The following SYBU variants were observed in gnomAD, a reference collection of about 807,000 sequenced individuals.
The protein encoded by SYBU is syntabulin, also known as GOLSYN A protein.
SYBU carries 21 observed loss-of-function variants against 35.9 expected under a neutral mutation model. That is an observed-to-expected ratio of 0.58 (90% confidence interval 0.41 to 0.84). The LOEUF (loss-of-function observed/expected upper bound fraction) is 0.84. SYBU is among the 40% of genes least tolerant of loss of function. The pLI is 0.00. For synonymous variants in SYBU, 319 were observed against 324.3 expected, an observed-to-expected ratio of 0.98 and a Z score of 0.18; for missense variants, 768 against 848.2, an observed-to-expected ratio of 0.91 and a Z score of 1.17.
intron 3 of SYBU, among the ~76,000 whole-genome samples, chr8:109,600,704 TA>T (rs1342814204): frequency 3.3e-5 from 5 of 152,072 alleles, no homozygotes; most frequent in Non-Finnish European, 7.4e-5. Flanking sequence ...TGATTTCCAG[TA>T]AAATTGTAGA....
At chr8:109,610,137 G>C (rs1292824234) in intron 3 of SYBU, among the ~76,000 whole-genome samples, 3 of 151,994 alleles carry the variant, frequency 2.0e-5, no homozygotes, top group Non-Finnish European at 1.5e-5. Context: ...TAAAGTCTCA[G>C]CTCAAATGTC....
chr8:109,660,542 T>G (rs1205113526), intron 1 of SYBU, among the ~76,000 whole-genome samples: 1 of 152,116 alleles, frequency 6.6e-6, no homozygotes, highest in Non-Finnish European at 1.5e-5. Context: ...CAGATTACTA[T>G]CTATCCAAAC....
At chr8:109,673,420 C>A (rs1279066993) in intron 1 of SYBU, among the ~76,000 whole-genome samples, 1 of 152,078 alleles carries the variant, frequency 6.6e-6, no homozygotes, top group East Asian at 1.9e-4. Flanking sequence ...CAGCCAACTC[C>A]GGCAGACCTG....
At chr8:109,644,382 C>T (rs1034143580) in intron 1 of SYBU, among the ~76,000 whole-genome samples, 1 of 152,138 alleles carries the variant, frequency 6.6e-6, no homozygotes, top group Non-Finnish European at 1.5e-5. Flanking sequence ...ACCCCACAGT[C>T]CCAGTTTCAG....
At chr8:109,675,574 C>CA (rs1287640627) in intron 1 of SYBU, among the ~76,000 whole-genome samples, 1 of 152,118 alleles carries the variant, frequency 6.6e-6, no homozygotes, top group Non-Finnish European at 1.5e-5. Flanking sequence ...TACACCCTCC[C>CA]AAGACTAAGC....
intron 1 of SYBU, among the ~76,000 whole-genome samples, chr8:109,688,698 G>T (rs540632929): frequency 3.9e-4 from 58 of 148,894 alleles, no homozygotes; most frequent in African/African-American, 1.4e-3. Flanking sequence ...TCTGGGTTCT[G>T]TCACCTGAAC....
chr8:109,592,636 G>A (rs879717474), intron 3 of SYBU, among the ~76,000 whole-genome samples: 4 of 152,174 alleles, frequency 2.6e-5, no homozygotes, highest in Non-Finnish European at 5.9e-5. Flanking sequence ...CCCATCTGCT[G>A]AACAAGAAGA....
intron 1 of SYBU, among the ~76,000 whole-genome samples, chr8:109,668,669 T>C (rs1816856914): frequency 6.6e-6 from 1 of 152,106 alleles, no homozygotes; most frequent in African/African-American, 2.4e-5. Flanking sequence ...AATAGCAAAA[T>C]AGTATCCTGC....
At chr8:109,582,029 C>A (rs1478079930) in intron 4 of SYBU, among the ~76,000 whole-genome samples, 1 of 152,114 alleles carries the variant, frequency 6.6e-6, no homozygotes, top group African/African-American at 2.4e-5. Flanking sequence ...ATTTTCTTTT[C>A]CATGCTTCAC....
chr8:109,609,455 A>T (rs1810931234), intron 3 of SYBU, among the ~76,000 whole-genome samples: 2 of 152,284 alleles, frequency 1.3e-5, no homozygotes, highest in East Asian at 3.9e-4. Flanking sequence ...AATCACAAAA[A>T]CCTATATTCC....
chr8:109,606,419 G>T (rs890835925), intron 3 of SYBU, among the ~76,000 whole-genome samples: 1 of 152,170 alleles, frequency 6.6e-6, no homozygotes, highest in Non-Finnish European at 1.5e-5. Context: ...ATAGAGGAAA[G>T]AAAAGTTTTA....
At chr8:109,625,890 G>A (rs961111970) in intron 2 of SYBU, among the ~76,000 whole-genome samples, 1 of 152,182 alleles carries the variant, frequency 6.6e-6, no homozygotes, top group Non-Finnish European at 1.5e-5. Context: ...AAACTTCCAA[G>A]AAGTTTGAGA....
intron 3 of SYBU, among the ~76,000 whole-genome samples, chr8:109,610,153 C>T (rs1056010070): frequency 1.3e-5 from 2 of 152,138 alleles, no homozygotes; most frequent in African/African-American, 2.4e-5. Flanking sequence ...ATGTCACCAC[C>T]CCAGACACTC....
chr8:109,597,358 C>T (rs574021805), intron 3 of SYBU, among the ~76,000 whole-genome samples: 2 of 152,132 alleles, frequency 1.3e-5, no homozygotes, highest in African/African-American at 2.4e-5. Flanking sequence ...AAGTTGCAAG[C>T]GAAGAAAAGA....
intron 3 of SYBU, among the ~76,000 whole-genome samples, chr8:109,593,823 C>T (rs144517922): frequency 7.2e-5 from 11 of 152,352 alleles, no homozygotes; most frequent in African/African-American, 1.9e-4. Context: ...GCATGTCCAA[C>T]GGGCAGCCCT....
rs757354873 is a variant in SYBU, at chr8:109,618,870, C to T, written c.399G>A (p.Lys133=). ...EGSIQSSRYK[K]ESKSGLVKPG... is the part of the protein sequence containing the mutation. The stretch of plus-strand genomic sequence containing the variant: ...GTTTCACAAGGCCTGACTTTGATTC[C>T]TTCTTATATCGAGAGGACTGAATGC... The change falls in exon 3 of 7, where the codon AAG becomes AAA. Residue 133 remains lysine, a synonymous_variant. Coordinates refer to ENST00000276646, the MANE Select transcript of SYBU (RefSeq NM_001099754.2). 5 of 1,614,144 alleles carry T rather than the reference C, an allele frequency of 3.1e-6. No homozygotes were observed. Among genetic ancestry groups the T allele is most frequent in the Non-Finnish European group, 4.2e-6 (5 of 1,180,000 alleles).
intron 1 of SYBU, among the ~76,000 whole-genome samples, chr8:109,686,731 A>T (rs140793161): frequency 6.6e-6 from 1 of 152,330 alleles, no homozygotes; most frequent in East Asian, 1.9e-4. Context: ...TTAAGTCAGA[A>T]AACTGTCTTT....
chr8:109,629,180 A>T (rs909465108), intron 2 of SYBU, among the ~76,000 whole-genome samples: 28 of 152,324 alleles, frequency 1.8e-4, no homozygotes, highest in African/African-American at 6.0e-4. Context: ...CTTGACGTTT[A>T]TTGGAAGTGC....
In SYBU at chr8:109,663,258, C is replaced by CATACATATAGATAGATAGAT. The variant is rs1282405275; in HGVS notation, c.-129+17452_-129+17453insATCTATCTATCTATATGTAT. On this transcript the variant is annotated intron_variant, in intron 1 of 5. Transcript: ENST00000408889. ...AGGGTCAGTTTAATAAAAATACATA[C>CATACATATAGATAGATAGAT]AGATAGATAGATAGATAGATAGATA... Among the ~76,000 whole-genome samples, 310 of 149,148 alleles carry CATACATATAGATAGATAGAT rather than the reference C, an allele frequency of 2.1e-3. 1 individual carries two copies. Among genetic ancestry groups the CATACATATAGATAGATAGAT allele is most frequent in the African/African-American group, 7.3e-3 (294 of 40,402 alleles).
Sources: gnomAD v4.1 joint callset for allele counts (sites outside exome capture counted in the v4.1 genomes callset) on GRCh38, gnomAD v4.1.1 for gene constraint, MANE v1.5 for transcripts, NCBI Gene and HGNC (gene_info 2026-07-23, HGNC 2026-07-21) for gene names.